The following B3GALT1 variants were observed in gnomAD, a reference collection of about 807,000 sequenced individuals.
The protein encoded by B3GALT1 is UDP-Gal:betaGlcNAc beta 1,3-galactosyltransferase, polypeptide 1.
B3GALT1 carries 10 observed loss-of-function variants against 23.2 expected under a neutral mutation model. The observed-to-expected ratio is 0.43, with a 90% CI of 0.27 to 0.73. B3GALT1 has a LOEUF of 0.73. B3GALT1 is among the 30% of genes least tolerant of loss of function. The pLI is 0.21. For missense variants in B3GALT1, 299 were observed against 405.4 expected (o/e 0.74, Z 2.25); for synonymous variants, 156 against 141.5 (o/e 1.10, Z -0.73).
intron 2 of B3GALT1, among the ~76,000 whole-genome samples, chr2:167,634,835 C>T (rs1265507742): frequency 6.6e-6 from 1 of 152,088 alleles, no homozygotes; most frequent in Non-Finnish European, 1.5e-5. Flanking sequence ...AGAGGGAATC[C>T]TCCCTAACTC....
At chr2:167,529,497 T>G (rs67321550) in intron 2 of B3GALT1, among the ~76,000 whole-genome samples, 58,558 of 149,798 alleles carry the variant, frequency 0.39, 12,369 homozygotes, top group East Asian at 0.88. Context: ...TCTGAGCTAC[T>G]GAAAGGCGGA....
intron 2 of B3GALT1, among the ~76,000 whole-genome samples, chr2:167,624,651 A>C (rs987480787): frequency 4.6e-5 from 7 of 152,040 alleles, no homozygotes; most frequent in Non-Finnish European, 7.4e-5. Flanking sequence ...CCACTATATT[A>C]TATGACTACC....
chr2:167,784,917 CA>C (rs1226749987), intron 3 of B3GALT1, among the ~76,000 whole-genome samples: 1 of 152,142 alleles, frequency 6.6e-6, no homozygotes, highest in Non-Finnish European at 1.5e-5. Flanking sequence ...TCTTTTTTCA[CA>C]TAAAATATAA....
At chr2:167,526,736 C>G (rs1683225935) in intron 2 of B3GALT1, among the ~76,000 whole-genome samples, 2 of 152,106 alleles carry the variant, frequency 1.3e-5, no homozygotes, top group South Asian at 2.1e-4. Flanking sequence ...AATAGCTGCA[C>G]TTTATTTCAG....
intron 2 of B3GALT1, among the ~76,000 whole-genome samples, chr2:167,504,072 T>C (rs1002844587): frequency 6.6e-6 from 1 of 152,200 alleles, no homozygotes; most frequent in Non-Finnish European, 1.5e-5. Flanking sequence ...ACTTCCTGGC[T>C]TCCTGGGCAG....
chr2:167,299,721 C>A (rs2105478699), intron 1 of B3GALT1, among the ~76,000 whole-genome samples: 1 of 152,000 alleles, frequency 6.6e-6, no homozygotes, highest in South Asian at 2.1e-4. Flanking sequence ...GACTAAAATA[C>A]AAAATAGGCA....
chr2:167,570,137 G>T (rs1396562889), intron 2 of B3GALT1, among the ~76,000 whole-genome samples: 1 of 151,696 alleles, frequency 6.6e-6, no homozygotes, highest in African/African-American at 2.4e-5. Context: ...TTCTTACATT[G>T]TCTTTCTCAG....
At chr2:167,420,669 T>C (rs1407423672) in intron 1 of B3GALT1, among the ~76,000 whole-genome samples, 2 of 152,186 alleles carry the variant, frequency 1.3e-5, no homozygotes, top group African/African-American at 4.8e-5. Context: ...GTAAGCCATA[T>C]CATCCATGAG....
At chr2:167,554,768 C>T (rs1351783449) in intron 2 of B3GALT1, among the ~76,000 whole-genome samples, 1 of 152,098 alleles carries the variant, frequency 6.6e-6, no homozygotes, top group Non-Finnish European at 1.5e-5. Flanking sequence ...AATTGCTAGT[C>T]CAATTAAGCA....
chr2:167,456,706 T>C (rs1559102816), intron 1 of B3GALT1, among the ~76,000 whole-genome samples: 1 of 152,104 alleles, frequency 6.6e-6, no homozygotes, highest in Non-Finnish European at 1.5e-5. Flanking sequence ...ATTACCAGTT[T>C]ATTATAAAGG....
At chr2:167,669,945 A>G (rs79866148) in intron 3 of B3GALT1, among the ~76,000 whole-genome samples, 5,960 of 152,206 alleles carry the variant, frequency 0.039, 392 homozygotes, top group African/African-American at 0.14. Context: ...GGGCTCACAG[A>G]AACCAGGGTT....
At chr2:167,782,517 A>G (rs573659195) in intron 3 of B3GALT1, among the ~76,000 whole-genome samples, 2 of 152,372 alleles carry the variant, frequency 1.3e-5, no homozygotes, top group Admixed American at 6.5e-5. Flanking sequence ...CATTTTCACA[A>G]TAGAAATCTC....
At chr2:167,539,186 T>C (rs1683489373) in intron 2 of B3GALT1, among the ~76,000 whole-genome samples, 1 of 152,060 alleles carries the variant, frequency 6.6e-6, no homozygotes, top group Admixed American at 6.6e-5. Flanking sequence ...CTCTACTTTT[T>C]CCCCAATAGT....
At chr2:167,402,100 TTAAA>T (rs1350516177) in intron 1 of B3GALT1, among the ~76,000 whole-genome samples, 2 of 152,102 alleles carry the variant, frequency 1.3e-5, no homozygotes, top group African/African-American at 4.8e-5. Context: ...TTGGGTCAAA[TTAAA>T]TAATAACAAT....
intron 4 of B3GALT1, among the ~76,000 whole-genome samples, chr2:167,841,522 C>G (rs1016230850): frequency 6.6e-6 from 1 of 152,244 alleles, no homozygotes; most frequent in Non-Finnish European, 1.5e-5. Context: ...CTTTCACATT[C>G]TCCAGTTAGC....
intron 1 of B3GALT1, among the ~76,000 whole-genome samples, chr2:167,362,073 CA>C (rs1177838833): frequency 6.6e-6 from 1 of 151,946 alleles, no homozygotes; most frequent in Non-Finnish European, 1.5e-5. Context: ...GACTCCATCT[CA>C]AAAAACAAAA....
chr2:167,591,536 T>A (rs184751796), intron 2 of B3GALT1, among the ~76,000 whole-genome samples: 6 of 152,198 alleles, frequency 3.9e-5, no homozygotes, highest in Non-Finnish European at 7.4e-5. Flanking sequence ...GGTGGTGCAG[T>A]CACACTCACT....
intron 2 of B3GALT1, among the ~76,000 whole-genome samples, chr2:167,575,439 A>G (rs1684363620): frequency 6.6e-6 from 1 of 151,782 alleles, no homozygotes; most frequent in East Asian, 1.9e-4. Flanking sequence ...ATGTCTTCAT[A>G]CAGATCATTC....
At chr2:167,402,829 G>C (rs1342506669) in intron 1 of B3GALT1, among the ~76,000 whole-genome samples, 2 of 152,058 alleles carry the variant, frequency 1.3e-5, no homozygotes, top group Admixed American at 6.6e-5. Context: ...TGTTTCCATG[G>C]CATTAAATTT....
Sources: allele counts gnomAD v4.1 joint callset (sites outside exome capture counted in the v4.1 genomes callset), GRCh38; gene constraint gnomAD v4.1.1; transcripts MANE v1.5; gene names NCBI Gene and HGNC (gene_info 2026-07-23, HGNC 2026-07-21).